The following DNAAF11 variants were observed in gnomAD, a reference collection of about 807,000 sequenced individuals.
DNAAF11 encodes leucine rich repeat containing 6.
DNAAF11 carries 45 observed loss-of-function variants against 60.8 expected under a neutral mutation model. The ratio of observed to expected loss-of-function variants is 0.74; its 90% CI spans 0.58 to 0.95. DNAAF11 has a LOEUF of 0.95. DNAAF11 is among the 40% of genes least tolerant of loss of function. The pLI, the probability that DNAAF11 is intolerant of heterozygous loss-of-function variation, is 0.00. For synonymous variants in DNAAF11, 191 were observed against 183.5 expected, an observed-to-expected ratio of 1.04 and a Z score of -0.33; for missense variants, 546 against 546.2, an observed-to-expected ratio of 1.00 and a Z score of 0.00.
At chr8:132,692,211 A>G in the DNAAF11 span, among the ~76,000 whole-genome samples, 86,146 of 148,816 alleles carry the variant, frequency 0.58, 27,434 homozygotes, top group African/African-American at 0.87. Context: ...TGGGGGGTAG[A>G]GAGCCAACAG....
At chr8:132,650,608 G>C (rs1822908749) in intron 3 of DNAAF11, among the ~76,000 whole-genome samples, 2 of 152,112 alleles carry the variant, frequency 1.3e-5, no homozygotes, top group Admixed American at 6.5e-5. Flanking sequence ...CTATATGAAG[G>C]ATGTGTACAA....
At chr8:132,688,455 C>T in the DNAAF11 span, among the ~76,000 whole-genome samples, 1 of 152,154 alleles carries the variant, frequency 6.6e-6, no homozygotes, top group East Asian at 1.9e-4. Context: ...CAGAAAAATA[C>T]CCTCTCTAAG....
chr8:132,663,026 T>C (rs954576086), intron 1 of DNAAF11, among the ~76,000 whole-genome samples: 32 of 152,170 alleles, frequency 2.1e-4, no homozygotes, highest in African/African-American at 7.0e-4. Flanking sequence ...ACCAGAGCAA[T>C]GTAGAGGTTG....
rs79647904 is a variant in DNAAF11 at position 132,671,577 on chromosome 8, A to G, written c.10+3907T>C. On this transcript the variant is annotated intron_variant, in intron 1 of 11. Coordinates refer to ENST00000620350, the MANE Select transcript of DNAAF11 (RefSeq NM_012472.6). The stretch of plus-strand genomic sequence containing the variant: ...ATGTAAAGGATCTGAATACAACTTT[A>G]AAAGATTAAAAAATTTAGAGGAAAA... Among the ~76,000 whole-genome samples the G allele has an allele frequency of 5.7e-3, 872 of 152,320 alleles. 37 individuals carry two copies. The East Asian group carries it at 0.12, about 20-fold the overall frequency.
chr8:132,595,084 T>TTTA (rs1237414612), intron 10 of DNAAF11, among the ~76,000 whole-genome samples: 1 of 152,120 alleles, frequency 6.6e-6, no homozygotes, highest in Non-Finnish European at 1.5e-5. Flanking sequence ...TGTGAGTCAA[T>TTTA]TAAACCTCTT....
chr8:132,622,628 T>C lies in DNAAF11; in HGVS notation c.897A>G (p.Leu299=). The C allele has an allele frequency of 6.2e-7, 1 of 1,613,810 alleles. No individual in the cohort carries two copies. The highest frequency in any genetic ancestry group is 8.5e-7 in the Non-Finnish European group (1 of 1,179,796). ...RTLITEDGKA[L]NVNEPKIDFS... Reference sequence around the variant, plus strand: ...TCACATACTTGGGCTCATTCACATTTAGGGCTTTCCCATCTTCAGTGATCA... The same window carrying C: ...TCACATACTTGGGCTCATTCACATTCAGGGCTTTCCCATCTTCAGTGATCA... The change falls in exon 7 of 12, where the codon CTA becomes CTG. Residue 299 remains leucine, a synonymous_variant. Transcript: ENST00000620350.
chr8:132,653,641 AAAACT>A (rs1823245877), intron 3 of DNAAF11, among the ~76,000 whole-genome samples: 1 of 152,300 alleles, frequency 6.6e-6, no homozygotes, highest in East Asian at 1.9e-4. Context: ...CGAAGGGAGG[AAAACT>A]AAACTATACA....
chr8:132,654,284 C>G (rs569047546), intron 3 of DNAAF11, among the ~76,000 whole-genome samples: 1 of 152,034 alleles, frequency 6.6e-6, no homozygotes, highest in African/African-American at 2.4e-5. Flanking sequence ...AAAGCAAAAA[C>G]TGACATTATT....
At position 132,675,532 on chromosome 8, in the gene DNAAF11, G is replaced by C. The variant is rs1209585423; in HGVS notation, c.-39C>G. ...TTCGCTGACCCCGCAAGCCGGACCC[G>C]GACCTCGAATGACGCTTTTCACCCT... is the stretch of plus-strand genomic sequence containing the variant. On this transcript the variant is annotated 5_prime_UTR_variant, in exon 1 of 12. Transcript: ENST00000620350. 6.4e-6 allele frequency: 10 copies of C among 1,554,518 alleles called. No individual in the cohort carries two copies. The highest frequency in any genetic ancestry group is 3.4e-4 in the Middle Eastern group (2 of 5,860).
chr8:132,618,107 C>A (rs1291415878), intron 7 of DNAAF11, among the ~76,000 whole-genome samples: 5 of 151,566 alleles, frequency 3.3e-5, no homozygotes, highest in East Asian at 2.0e-4. Flanking sequence ...AGATATAGAT[C>A]AATGGAACAG....
chr8:132,694,243 G>T, the DNAAF11 span, among the ~76,000 whole-genome samples: 5 of 152,196 alleles, frequency 3.3e-5, no homozygotes, highest in African/African-American at 1.2e-4. Context: ...GTAAGAGAAA[G>T]AAAGGAATTG....
chr8:132,644,467 T>C (rs1822162818), intron 3 of DNAAF11, among the ~76,000 whole-genome samples: 2 of 152,006 alleles, frequency 1.3e-5, no homozygotes, highest in Admixed American at 1.3e-4. Context: ...AGGTACCGGG[T>C]TCATCTCACT....
chr8:132,682,587 CT>C, the DNAAF11 span, among the ~76,000 whole-genome samples: 1 of 152,190 alleles, frequency 6.6e-6, no homozygotes, highest in Non-Finnish European at 1.5e-5. Context: ...GAACAAGCAC[CT>C]TTCACTACTG....
At position 132,656,817 on chromosome 8, in the gene DNAAF11, G is replaced by C. The variant is rs757188976; in HGVS notation, c.256+13C>G. Reference sequence around the variant, plus strand: ...TTTAATTCATAATAGCATAATAGAAGAAACAGTCTTACCTTCCAAGTTTTC... The same window carrying C: ...TTTAATTCATAATAGCATAATAGAACAAACAGTCTTACCTTCCAAGTTTTC... On this transcript the variant is annotated intron_variant, in intron 3 of 11. Coordinates refer to ENST00000620350, the MANE Select transcript of DNAAF11 (RefSeq NM_012472.6). The C allele has an allele frequency of 1.4e-5, 16 of 1,125,578 alleles. No individual in the cohort carries two copies. Among genetic ancestry groups the C allele is most frequent in the Non-Finnish European group, 1.8e-5 (14 of 758,372 alleles). 69.7% of individuals were successfully genotyped at this position (1,125,578 alleles called of 1,614,324 possible). A position where few individuals can be genotyped will look rare whatever the true frequency, so the allele number is the denominator to read the frequency against.
chr8:132,665,721 A>T (rs1224487452), intron 1 of DNAAF11, among the ~76,000 whole-genome samples: 1 of 152,230 alleles, frequency 6.6e-6, no homozygotes, highest in Non-Finnish European at 1.5e-5. Flanking sequence ...TAGAATGAAC[A>T]ATCAACCTAG....
rs145564560 is a variant in DNAAF11 at position 132,662,386 on chromosome 8, C to T, written c.11-759G>A. 2.4e-4 allele frequency among the ~76,000 whole-genome samples: 36 copies of T among 152,232 alleles called. 1 individual carries two copies. In the East Asian group the frequency reaches 6.8e-3, roughly 29 times the overall value. ...CCACAGTCAGAGCCAAGCACAAGAT[C>T]ATGAATCATCTTTGTAAAGATGCAT... On this transcript the variant is annotated intron_variant, in intron 1 of 11. Transcript: ENST00000620350.
At chr8:132,699,262 T>G in the DNAAF11 span, among the ~76,000 whole-genome samples, 4,335 of 152,092 alleles carry the variant, frequency 0.029, 240 homozygotes, top group African/African-American at 0.099. Flanking sequence ...ATTTGCATGA[T>G]GAGAGGAAGT....
intron 1 of DNAAF11, 157 bp downstream of exon 1, chr8:132,675,327 C>G (rs1385292107): frequency 8.5e-6 from 6 of 708,906 alleles, no homozygotes; most frequent in South Asian, 2.1e-5. Flanking sequence ...CCTGGTGCAG[C>G]CGGGGCTGCG....
At chr8:132,682,276 C>T in the DNAAF11 span, among the ~76,000 whole-genome samples, 7 of 152,172 alleles carry the variant, frequency 4.6e-5, no homozygotes, top group Non-Finnish European at 8.8e-5. Flanking sequence ...TAAAGTCTAA[C>T]CACCCTGAGG....
Sources: allele counts gnomAD v4.1 joint callset (sites outside exome capture counted in the v4.1 genomes callset), GRCh38; gene constraint gnomAD v4.1.1; transcripts MANE v1.5; gene names NCBI Gene and HGNC (gene_info 2026-07-23, HGNC 2026-07-21).